The following IGSF23 variants were observed in gnomAD, a reference collection of about 807,000 sequenced individuals.
IGSF23 encodes the protein immunoglobulin superfamily, member 23.
Under a neutral mutation model 17.8 loss-of-function variants are expected in IGSF23, and 14 were observed. The ratio of observed to expected loss-of-function variants is 0.79; its 90% CI spans 0.52 to 1.23. IGSF23 has a LOEUF of 1.23. Among genes scored for constraint, IGSF23 ranks in the 50% most tolerant of loss-of-function variants. The pLI, the probability that IGSF23 is intolerant of heterozygous loss-of-function variation, is 0.00. For synonymous variants in IGSF23, 85 were observed against 92.5 expected (o/e 0.92, Z 0.46); for missense variants, 214 against 241.7 (o/e 0.89, Z 0.76).
At chr19:44,623,437 C>T (rs1279190709) in intron 1 of IGSF23, among the ~76,000 whole-genome samples, 1 of 152,190 alleles carries the variant, frequency 6.6e-6, no homozygotes, top group African/African-American at 2.4e-5. Context: ...GCACTTCCAG[C>T]CTGCTGCCTC....
At position 44,635,094 on chromosome 19, in the gene IGSF23, A is replaced by G. The variant is rs116670094; in HGVS notation, c.546-307A>G. On this transcript the variant is annotated intron_variant, in intron 3 of 4. Coordinates refer to ENST00000402988, the MANE Select transcript of IGSF23 (RefSeq NM_001205280.2). Reference sequence around the variant, plus strand: ...AAGGTGGCAGCCAGTTTGATGTCCCATAGTGCCCCTCTCCATGGCTTGCAG... The same window carrying G: ...AAGGTGGCAGCCAGTTTGATGTCCCGTAGTGCCCCTCTCCATGGCTTGCAG... Among the ~76,000 whole-genome samples, 568 of 152,316 alleles carry G rather than the reference A, an allele frequency of 3.7e-3. 5 individuals are homozygous for G. The highest frequency in any genetic ancestry group is 0.012 in the African/African-American group (509 of 41,570).
At chr19:44,627,388 C>A in intron 2 of IGSF23, 32 bp from the exon 3 acceptor site, 1 of 1,477,574 alleles carries the variant, frequency 6.8e-7, no homozygotes, top group Non-Finnish European at 9.1e-7. Flanking sequence ...GGGCAGATGG[C>A]TCCTCCAATC....
At chr19:44,634,018 A>G (rs911791717) in intron 3 of IGSF23, among the ~76,000 whole-genome samples, 1 of 152,228 alleles carries the variant, frequency 6.6e-6, no homozygotes, top group Non-Finnish European at 1.5e-5. Flanking sequence ...CCTAAAAGTA[A>G]TCCTATTGTC....
intron 1 of IGSF23, among the ~76,000 whole-genome samples, chr19:44,617,044 G>A (rs1285382792): frequency 1.3e-5 from 2 of 151,780 alleles, no homozygotes; most frequent in Non-Finnish European, 2.9e-5. Context: ...GACTACAGGC[G>A]CGTGCCACCA....
chr19:44,623,437 C>G (rs1279190709), intron 1 of IGSF23, among the ~76,000 whole-genome samples: 1 of 152,190 alleles, frequency 6.6e-6, no homozygotes, highest in African/African-American at 2.4e-5. Flanking sequence ...GCACTTCCAG[C>G]CTGCTGCCTC....
chr19:44,626,189 A>C (rs1264178370), intron 2 of IGSF23, among the ~76,000 whole-genome samples: 3 of 152,122 alleles, frequency 2.0e-5, no homozygotes, highest in African/African-American at 7.2e-5. Context: ...ATGGAAATGG[A>C]ATGCGTGATG....
intron 1 of IGSF23, among the ~76,000 whole-genome samples, chr19:44,617,843 C>A (rs954022194): frequency 6.6e-6 from 1 of 152,120 alleles, no homozygotes; most frequent in African/African-American, 2.4e-5. Context: ...CAAGCTTACT[C>A]CCCCGCTGCC....
intron 3 of IGSF23, among the ~76,000 whole-genome samples, chr19:44,630,478 C>G (rs1370528377): frequency 2.6e-5 from 4 of 152,246 alleles, no homozygotes; most frequent in Non-Finnish European, 5.9e-5. Flanking sequence ...AAACCCTGAT[C>G]TAAGTCTACA....
At chr19:44,621,113 T>A (rs187323429) in intron 1 of IGSF23, among the ~76,000 whole-genome samples, 1 of 150,156 alleles carries the variant, frequency 6.7e-6, no homozygotes, top group East Asian at 2.0e-4. Flanking sequence ...GAGACGCCCA[T>A]CTCAACAAAG....
chr19:44,621,673 G>A (rs188614601), intron 1 of IGSF23, among the ~76,000 whole-genome samples: 2 of 152,096 alleles, frequency 1.3e-5, no homozygotes, highest in East Asian at 3.8e-4. Flanking sequence ...ATTGTTGTGA[G>A]GATTAAATGA....
intron 1 of IGSF23, among the ~76,000 whole-genome samples, chr19:44,621,164 T>A (rs1346549831): frequency 1.2e-4 from 18 of 150,806 alleles, no homozygotes; most frequent in Non-Finnish European, 2.4e-4. Flanking sequence ...GCGCCCATAG[T>A]CCCAGCTACT....
chr19:44,633,066 A>G (rs1972804140), intron 3 of IGSF23, among the ~76,000 whole-genome samples: 1 of 152,258 alleles, frequency 6.6e-6, no homozygotes, highest in African/African-American at 2.4e-5. Context: ...AGCCAGAATA[A>G]GAAGCTGTAC....
chr19:44,616,001 T>C (rs1358436043), intron 1 of IGSF23, among the ~76,000 whole-genome samples: 1 of 152,132 alleles, frequency 6.6e-6, no homozygotes, highest in Non-Finnish European at 1.5e-5. Context: ...GTTTGCAAAG[T>C]GAGCTGGGGG....
intron 1 of IGSF23, among the ~76,000 whole-genome samples, chr19:44,615,885 T>C (rs1240525488): frequency 2.5e-5 from 3 of 122,352 alleles, no homozygotes; most frequent in Non-Finnish European, 3.2e-5. Context: ...CACGGCATGC[T>C]GTGTGTTGCT....
chr19:44,618,981 TAA>T (rs34199985), intron 1 of IGSF23, among the ~76,000 whole-genome samples: 174 of 145,070 alleles, frequency 1.2e-3, no homozygotes, highest in Admixed American at 1.2e-3. Flanking sequence ...GTTATTTATT[TAA>T]AAAAAAAAAA....
rs376054102 is a variant in IGSF23, at chr19:44,627,501, T to TC, written c.475dup (p.Leu159ProfsTer26). On this transcript the variant is annotated frameshift_variant, in exon 3 of 5. Transcript: ENST00000402988. LOFTEE classifies it high-confidence loss of function. ...CTGTCAGGAGGCTCTGCCATCGGGC[T>TC]CCTTGCGGCTGGGATCCTGGGAGCC... The TC allele has an allele frequency of 9.7e-6, 15 of 1,550,374 alleles. No individual in the cohort carries two copies. In the African/African-American group the frequency reaches 1.9e-4, roughly 20 times the overall value.
rs1191341788 is a variant in IGSF23, at chr19:44,627,486, G to C, written c.458G>C (p.Gly153Ala). 6.4e-7 allele frequency: 1 copy of C among 1,550,498 alleles called. No individual in the cohort carries two copies. Among genetic ancestry groups the C allele is most frequent in the South Asian group, 1.2e-5 (1 of 84,058 alleles). ...EPDPTLSLSG[G>A]SAIGLLAAGI... The stretch of plus-strand genomic sequence containing the variant: ...GACCCCACTCTGTCCCTGTCAGGAG[G>C]CTCTGCCATCGGGCTCCTTGCGGCT... Residue 153 changes from glycine to alanine, a missense_variant, in exon 3 of 5, where the codon GGC (glycine) becomes GCC (alanine). Gly to Ala is a moderately conservative substitution (Grantham distance 60). Coordinates refer to ENST00000402988, the MANE Select transcript of IGSF23 (RefSeq NM_001205280.2).
In IGSF23 at chr19:44,627,470, C is replaced by T; in HGVS notation, c.442C>T (p.Leu148=). 1 of 1,550,486 alleles carries T rather than the reference C, an allele frequency of 6.4e-7. No individual in the cohort carries two copies. Among genetic ancestry groups the T allele is most frequent in the South Asian group, 1.2e-5 (1 of 84,054 alleles). The change falls in exon 3 of 5, where the codon CTG becomes TTG. Residue 148 remains leucine, a synonymous_variant. Transcript: ENST00000402988. The part of the protein sequence containing the change: ...EAEPMEPDPT[L]SLSGGSAIGL... ...AGAGCCCATGGAGCCAGACCCCACTCTGTCCCTGTCAGGAGGCTCTGCCAT... is the reference window on the plus strand; with the variant it reads ...AGAGCCCATGGAGCCAGACCCCACTTTGTCCCTGTCAGGAGGCTCTGCCAT...
Position 44,613,771 on chromosome 19 carries a change from G to GT in IGSF23, c.125+2dup, listed in dbSNP as rs1330792737. On this transcript the variant is annotated splice_donor_variant, in intron 1 of 4. Transcript: ENST00000402988. LOFTEE classifies it high-confidence loss of function. ...GAGGTGACTTCCCAGCCAACTTGGT[G>GT]TAAGTCATGTGGGGAAGTGGCCAGG... is the stretch of plus-strand genomic sequence containing the variant. 6.4e-7 allele frequency: 1 copy of GT among 1,550,456 alleles called. No individual in the cohort carries two copies. Among genetic ancestry groups the GT allele is most frequent in the South Asian group, 1.2e-5 (1 of 84,050 alleles).
Sources: gnomAD v4.1 joint callset for allele counts (sites outside exome capture counted in the v4.1 genomes callset) on GRCh38, gnomAD v4.1.1 for gene constraint, MANE v1.5 for transcripts, NCBI Gene and HGNC (gene_info 2026-07-23, HGNC 2026-07-21) for gene names.